The following DBX2 variants were observed in gnomAD, a reference collection of about 807,000 sequenced individuals.
DBX2 encodes developing brain homeobox 2.
DBX2 carries 16 observed loss-of-function variants against 17.7 expected under a neutral mutation model. That is an observed-to-expected ratio of 0.90 (90% confidence interval 0.61 to 1.37). The LOEUF is 1.37. Among genes scored for constraint, DBX2 ranks in the 40% most tolerant of loss-of-function variants. The pLI, the probability that DBX2 is intolerant of heterozygous loss-of-function variation, is 0.00. For missense variants in DBX2, 538 were observed against 433.8 expected (o/e 1.24, Z -2.13); for synonymous variants, 255 against 183.8 (o/e 1.39, Z -3.13).
intron 1 of DBX2, among the ~76,000 whole-genome samples, chr12:45,044,261 A>G (rs1233778397): frequency 6.6e-6 from 1 of 152,148 alleles, no homozygotes; most frequent in African/African-American, 2.4e-5. Flanking sequence ...TATAACCACA[A>G]AACTTGTTCA....
chr12:45,048,297 T>C (rs1420392187), intron 1 of DBX2, among the ~76,000 whole-genome samples: 2 of 152,166 alleles, frequency 1.3e-5, no homozygotes, highest in African/African-American at 4.8e-5. Context: ...GTAGTCAACA[T>C]GCAGAAATTA....
intron 1 of DBX2, among the ~76,000 whole-genome samples, chr12:45,048,659 G>A (rs905714053): frequency 2.0e-5 from 3 of 152,142 alleles, no homozygotes; most frequent in African/African-American, 7.2e-5. Context: ...TTTTTAAGCA[G>A]CATATTTGTG....
Position 45,050,718 on chromosome 12 carries a change from G to T in DBX2, c.210C>A (p.Gly70=), listed in dbSNP as rs1179429940. 3 of 1,490,832 alleles carry T rather than the reference G, an allele frequency of 2.0e-6. No individual in the cohort carries two copies. The highest frequency in any genetic ancestry group is 2.7e-6 in the Non-Finnish European group (3 of 1,123,384). The allele number at this position is 1,490,832 out of a possible 1,614,324, so 92.4% of individuals were successfully genotyped here. A position where few individuals can be genotyped will look rare whatever the true frequency, so the allele number is the denominator to read the frequency against. ...HDPATALATA[G]AQLRPLPASP... is the part of the protein sequence containing the mutation. ...TAGCAGGCAGGGGCCGGAGCTGCGCGCCCGCGGTGGCCAGGGCGGTCGCCG... is the reference window on the plus strand; with the variant it reads ...TAGCAGGCAGGGGCCGGAGCTGCGCTCCCGCGGTGGCCAGGGCGGTCGCCG... Residue 70 remains glycine (G), a synonymous_variant, in exon 1 of 4, where the codon GGC becomes GGA. Coordinates refer to ENST00000332700, the MANE Select transcript of DBX2 (RefSeq NM_001004329.3).
At chr12:45,023,374 A>G (rs1187685018) in intron 3 of DBX2, among the ~76,000 whole-genome samples, 2 of 152,240 alleles carry the variant, frequency 1.3e-5, no homozygotes, top group Non-Finnish European at 2.9e-5. Flanking sequence ...AACGATTTAT[A>G]TAATGTAATT....
At position 45,050,697 on chromosome 12, in the gene DBX2, AG is replaced by A; in HGVS notation, c.230del (p.Pro77LeufsTer7). ...ATAGAQLRPL[P>X]ASPVPLKLCP... ...ACAGCTTTAGGGGAACTGGGCTAGCAGGCAGGGGCCGGAGCTGCGCGCCCGC... is the reference window on the plus strand; with the variant it reads ...ACAGCTTTAGGGGAACTGGGCTAGCAGCAGGGGCCGGAGCTGCGCGCCCGC... On this transcript the variant is annotated frameshift_variant, in exon 1 of 4. Coordinates refer to ENST00000332700, the MANE Select transcript of DBX2 (RefSeq NM_001004329.3). LOFTEE classifies it high-confidence loss of function. 6.5e-7 allele frequency: 1 copy of A among 1,527,506 alleles called. No homozygotes were observed. Among genetic ancestry groups the A allele is most frequent in the Non-Finnish European group, 8.8e-7 (1 of 1,137,740 alleles). 94.6% of individuals were successfully genotyped at this position (1,527,506 alleles called of 1,614,324 possible).
chr12:45,019,671 C>T (rs574347129), intron 3 of DBX2, among the ~76,000 whole-genome samples: 54 of 152,032 alleles, frequency 3.6e-4, no homozygotes, highest in East Asian at 1.5e-3. Flanking sequence ...TTGGAAGTAA[C>T]TTAAAATTGA....
chr12:45,050,406 G>C (rs781452505), intron 1 of DBX2, 119 bp downstream of exon 1: 61 of 1,370,498 alleles, frequency 4.5e-5, no homozygotes, highest in Non-Finnish European at 5.7e-5. Flanking sequence ...AGATGCTCCA[G>C]GAAGTTCCCA....
chr12:45,045,891 A>T lies in DBX2; in HGVS notation c.403+4634T>A, dbSNP rs558015869. Among the ~76,000 whole-genome samples the T allele has an allele frequency of 5.9e-5, 9 of 152,322 alleles. No individual in the cohort carries two copies. The South Asian group carries it at 8.3e-4, about 14-fold the overall frequency. On this transcript the variant is annotated intron_variant, in intron 1 of 3. Transcript: ENST00000332700. ...TACGTTTAATTCTATGTAAGTCCAT[A>T]CATAAATTTACAGGCATTCAAACCA...
intron 1 of DBX2, among the ~76,000 whole-genome samples, chr12:45,050,045 C>A (rs1042401028): frequency 2.6e-5 from 4 of 152,026 alleles, no homozygotes; most frequent in Admixed American, 6.5e-5. Context: ...TGAGCTACCC[C>A]GACCATCCTA....
chr12:45,022,452 A>C (rs2731041), intron 3 of DBX2, among the ~76,000 whole-genome samples: 95,672 of 151,056 alleles, frequency 0.63, 30,725 homozygotes, highest in South Asian at 0.84. Flanking sequence ...TACAGGCGCC[A>C]GCCACCTCGC....
intron 2 of DBX2, among the ~76,000 whole-genome samples, chr12:45,025,969 A>C (rs1051134487): frequency 9.2e-5 from 14 of 152,006 alleles, no homozygotes; most frequent in Admixed American, 2.6e-4. Flanking sequence ...GGGGAAAGGC[A>C]TAAAGCAGAG....
At chr12:45,036,238 G>T (rs572578273) in intron 1 of DBX2, 124 bp from the exon 2 acceptor site, 9 of 881,340 alleles carry the variant, frequency 1.0e-5, no homozygotes, top group African/African-American at 3.4e-5. Context: ...TGAAATTAAA[G>T]TTATTATAAA....
chr12:45,049,823 G>C (rs953797585), intron 1 of DBX2, among the ~76,000 whole-genome samples: 2 of 152,100 alleles, frequency 1.3e-5, no homozygotes, highest in African/African-American at 4.8e-5. Context: ...GTTTTATACG[G>C]TGATTAAAAT....
intron 2 of DBX2, among the ~76,000 whole-genome samples, chr12:45,026,298 T>C (rs1251005246): frequency 6.6e-6 from 1 of 152,102 alleles, no homozygotes. Flanking sequence ...TTTGGGTAGG[T>C]AACAAAGATC....
intron 2 of DBX2, among the ~76,000 whole-genome samples, chr12:45,026,291 GGGTA>G (rs1287510242): frequency 6.6e-6 from 1 of 152,140 alleles, no homozygotes; most frequent in Non-Finnish European, 1.5e-5. Context: ...GCAAGGGTTT[GGGTA>G]GGTAACAAAG....
chr12:45,020,947 C>T (rs1946348960), intron 3 of DBX2, among the ~76,000 whole-genome samples: 1 of 151,960 alleles, frequency 6.6e-6, no homozygotes, highest in Non-Finnish European at 1.5e-5. Context: ...GAATTGGATT[C>T]CAGCAGAGTA....
chr12:45,046,654 A>G (rs1946501952), intron 1 of DBX2, among the ~76,000 whole-genome samples: 1 of 152,170 alleles, frequency 6.6e-6, no homozygotes, highest in Admixed American at 6.5e-5. Flanking sequence ...CTTTCAGTGT[A>G]TCTCAGTGGA....
intron 1 of DBX2, among the ~76,000 whole-genome samples, chr12:45,046,790 G>C (rs1946502786): frequency 6.6e-6 from 1 of 152,052 alleles, no homozygotes; most frequent in Admixed American, 6.6e-5. Flanking sequence ...ATTAAGTATT[G>C]ATGGTCAGAA....
intron 2 of DBX2, 115 bp downstream of exon 2, chr12:45,035,904 T>G: frequency 1.1e-6 from 1 of 945,582 alleles, no homozygotes; most frequent in Non-Finnish European, 1.6e-6. Flanking sequence ...TGACTTTTAG[T>G]GAGGAATTAG....
Sources: allele counts gnomAD v4.1 joint callset (sites outside exome capture counted in the v4.1 genomes callset), GRCh38; gene constraint gnomAD v4.1.1; transcripts MANE v1.5; gene names NCBI Gene and HGNC (gene_info 2026-07-23, HGNC 2026-07-21).